GPT: variants seen among roughly 807,000 people sequenced by gnomAD.
GPT encodes the protein alanine aminotransferase 1.
Under a neutral mutation model 51.4 loss-of-function variants are expected in GPT, and 60 were observed. The observed-to-expected ratio is 1.17, with a 90% CI of 0.95 to 1.45. The LOEUF (loss-of-function observed/expected upper bound fraction) is 1.45. GPT is among the 40% of genes most tolerant of loss of function. GPT has a pLI of 0.00. For missense variants in GPT, 853 were observed against 704.0 expected, an observed-to-expected ratio of 1.21 and a Z score of -2.40; for synonymous variants, 397 against 303.1, an observed-to-expected ratio of 1.31 and a Z score of -3.22.
rs376594173 is a variant in GPT, at chr8:144,504,688, C to A, written c.247C>A (p.Arg83Ser). 2 of 1,612,968 alleles carry A rather than the reference C, an allele frequency of 1.2e-6. No individual in the cohort carries two copies. Among genetic ancestry groups the A allele is most frequent in the African/African-American group, 1.3e-5 (1 of 74,926 alleles). ...AMGQRPITFL[R>S]QVLALCVNPD... ...GGGGCAGAGGCCCATCACCTTCCTG[C>A]GCCAGGTGAGGCTCCTGCACTGCCC... Residue 83 changes from arginine (R) to serine (S), a missense_variant, in exon 2 of 11, where the codon CGC (arginine) becomes AGC (serine). Transcript: ENST00000394955.
Position 144,507,116 on chromosome 8 carries a change from G to GGGGGGC in GPT, c.*116_*117insGGGGGC. On this transcript the variant is annotated 3_prime_UTR_variant, in exon 11 of 11. Transcript: ENST00000394955. ...CCTGGCGGGGTGGGGTGGGGGGGGT[G>GGGGGGC]CTGGGCCCCTGCCTCTCTGCAGGTC... The GGGGGGC allele has an allele frequency of 1.5e-6, 1 of 686,638 alleles. No homozygotes were observed. The allele number at this position is 686,638 out of a possible 1,614,324, so 42.5% of individuals were successfully genotyped here. A position where few individuals can be genotyped will look rare whatever the true frequency, so the allele number is the denominator to read the frequency against.
Position 144,505,243 on chromosome 8 carries a change from C to T in GPT, c.496-3C>T. The stretch of plus-strand genomic sequence containing the variant: ...AACCCTGCCTTCCCCTTCCTTTCCG[C>T]AGACGGTGCTGAAGCTGCTGGTGGC... On this transcript the variant is annotated splice_polypyrimidine_tract_variant and splice_region_variant and intron_variant, in intron 4 of 10. Transcript: ENST00000394955. 1 of 1,607,918 alleles carries T rather than the reference C, an allele frequency of 6.2e-7. No homozygotes were observed. The highest frequency in any genetic ancestry group is 8.5e-7 in the Non-Finnish European group (1 of 1,177,802).
Position 144,506,507 on chromosome 8 carries a change from C to G in GPT, c.1138C>G (p.Gln380Glu). ...PSFAQFQAEK[Q>E]AVLAELAAKA... ...CCTCCCTCCGCGGCCACAGGAGAAG[C>G]AGGCAGTGCTGGCAGAGCTGGCGGC... The change falls in exon 9 of 11, where the codon CAG becomes GAG. Residue 380 changes from glutamine to glutamate, a missense_variant. Gln to Glu is a conservative substitution (Grantham distance 29). Transcript: ENST00000394955. This position sits in a 1 kb window ranked among gnomAD's most constrained non-coding sequence, Gnocchi z 7.0. 6.3e-7 allele frequency: 1 copy of G among 1,597,494 alleles called. No homozygotes were observed. Among genetic ancestry groups the G allele is most frequent in the East Asian group, 2.3e-5 (1 of 44,244 alleles).
rs775127714 is a variant in GPT at position 144,504,432 on chromosome 8, A to G, written c.128A>G (p.Gln43Arg). ...TACGCAGTGCGTGGCCCCATAGTGC[A>G]GCGAGCCTTGGAGCTGGAGCAGGAG... ...VEYAVRGPIV[Q>R]RALELEQELR... The change falls in exon 1 of 11, where the codon CAG becomes CGG. Residue 43 changes from glutamine (Q) to arginine (R), a missense_variant. Physicochemically the swap from Gln to Arg is conservative, Grantham distance 43. Transcript: ENST00000394955. 2.9e-5 allele frequency: 47 copies of G among 1,610,836 alleles called. No homozygotes were observed. Among genetic ancestry groups the G allele is most frequent in the Non-Finnish European group, 3.6e-5 (42 of 1,179,914 alleles).
In GPT at chr8:144,506,750, A is replaced by G. The variant is rs769804699; in HGVS notation, c.1307A>G (p.Asp436Gly). 1.9e-6 allele frequency: 3 copies of G among 1,611,742 alleles called. No homozygotes were observed. The South Asian group carries it at 3.3e-5, about 18-fold the overall frequency. ...CCACAGGAGCTGGGCCTGGCCCCCGATATGTTCTTCTGCCTGCGCCTCCTG... is the reference window on the plus strand; with the variant it reads ...CCACAGGAGCTGGGCCTGGCCCCCGGTATGTTCTTCTGCCTGCGCCTCCTG... Reference protein sequence around the residue: ...ERAQELGLAPDMFFCLRLLEE... With the variant: ...ERAQELGLAPGMFFCLRLLEE... The change falls in exon 10 of 11, where the codon GAT becomes GGT. Residue 436 changes from aspartate (D) to glycine (G), a missense_variant. Coordinates refer to ENST00000394955, the MANE Select transcript of GPT (RefSeq NM_005309.3). The surrounding 1 kb of genome is among the most constrained non-coding windows in gnomAD (Gnocchi z 7.0).
chr8:144,505,167 C>T, intron 4 of GPT, 36 bp downstream of exon 4: 2 of 1,612,836 alleles, frequency 1.2e-6, no homozygotes, highest in Non-Finnish European at 1.7e-6. Context: ...ATTCCTGACA[C>T]TGCAGAGGGG....
Position 144,506,934 on chromosome 8 carries a change from G to C in GPT, c.1425G>C (p.Glu475Asp). 1 of 1,612,966 alleles carries C rather than the reference G, an allele frequency of 6.2e-7. No homozygotes were observed. The highest frequency in any genetic ancestry group is 1.1e-5 in the South Asian group (1 of 91,084). ...HFRMTILPPL[E>D]KLRLLLEKLS... Reference sequence around the variant, plus strand: ...GGATGACCATTCTGCCCCCCTTGGAGAAACTGCGGCTGCTGCTGGAGAAGC... The same window carrying C: ...GGATGACCATTCTGCCCCCCTTGGACAAACTGCGGCTGCTGCTGGAGAAGC... The change falls in exon 11 of 11, where the codon GAG becomes GAC. Residue 475 changes from glutamate to aspartate, a missense_variant. Glu to Asp is a conservative substitution (Grantham distance 45). Coordinates refer to ENST00000394955, the MANE Select transcript of GPT (RefSeq NM_005309.3). The surrounding 1 kb of genome is among the most constrained non-coding windows in gnomAD (Gnocchi z 7.0).
intron 5 of GPT, 48 bp from the exon 6 acceptor site, chr8:144,505,800 G>A: frequency 2.0e-6 from 3 of 1,510,090 alleles, no homozygotes; most frequent in Non-Finnish European, 2.7e-6. Context: ...GCGGAGGGCA[G>A]TGCGCCCCCT....
At chr8:144,504,063 C>G (rs1826663649), upstream of GPT, 2 of 577,758 alleles carry the variant, frequency 3.5e-6, no homozygotes, top group Admixed American at 5.7e-5. Context: ...CTCTGCCTCC[C>G]TGGGGCAGAG....
chr8:144,506,620 C>G lies in GPT; in HGVS notation c.1251C>G (p.Arg417=), dbSNP rs1402857334. 3 of 1,472,448 alleles carry G rather than the reference C, an allele frequency of 2.0e-6. No individual in the cohort carries two copies. The highest frequency in any genetic ancestry group is 4.1e-5 in the Admixed American group (2 of 48,504). The allele number at this position is 1,472,448 out of a possible 1,614,324, so 91.2% of individuals were successfully genotyped here. ...AGGGCGCCATGTACTCCTTCCCGCGCGTGCAGCTGCCCCCGCGGGCGGTGG... is the reference window on the plus strand; with the variant it reads ...AGGGCGCCATGTACTCCTTCCCGCGGGTGCAGCTGCCCCCGCGGGCGGTGG... ...PVQGAMYSFP[R]VQLPPRAVER... The change falls in exon 9 of 11, where the codon CGC becomes CGG. Residue 417 remains arginine, a synonymous_variant. Coordinates refer to ENST00000394955, the MANE Select transcript of GPT (RefSeq NM_005309.3). The surrounding 1 kb of genome is among the most constrained non-coding windows in gnomAD (Gnocchi z 7.0).
rs1398122247 is a variant in GPT, at chr8:144,506,041, TC to T, written c.867del (p.Phe289LeufsTer42). ...GCCGCGGGTTCGCAGTTCCACTCATTCAAGAAGGTGCTCATGGAGATGGGGC... is the reference window on the plus strand; with the variant it reads ...GCCGCGGGTTCGCAGTTCCACTCATTAAGAAGGTGCTCATGGAGATGGGGC... The part of the protein sequence containing the change: ...VYAAGSQFHS[F>X]KKVLMEMGPP... On this transcript the variant is annotated frameshift_variant, in exon 7 of 11. Coordinates refer to ENST00000394955, the MANE Select transcript of GPT (RefSeq NM_005309.3). LOFTEE classifies it high-confidence loss of function. This position sits in a 1 kb window ranked among gnomAD's most constrained non-coding sequence, Gnocchi z 7.0. The T allele has an allele frequency of 1.2e-6, 2 of 1,612,204 alleles. No homozygotes were observed. Among genetic ancestry groups the T allele is most frequent in the Admixed American group, 1.7e-5 (1 of 59,984 alleles).
rs1297003595 is a variant in GPT, at chr8:144,507,004, C to A, written c.*4C>A. ...GTTCACCCTCGAGTACTCCTGAGCACCCCAGCTGGGGCCAGGCTGGGTCGC... is the reference window on the plus strand; with the variant it reads ...GTTCACCCTCGAGTACTCCTGAGCAACCCAGCTGGGGCCAGGCTGGGTCGC... On this transcript the variant is annotated 3_prime_UTR_variant, in exon 11 of 11. Transcript: ENST00000394955. 6.2e-7 allele frequency: 1 copy of A among 1,608,630 alleles called. No homozygotes were observed.
In GPT at chr8:144,506,373, G is replaced by A. The variant is rs371048594; in HGVS notation, c.1098G>A (p.Ala366=). 40 of 1,560,848 alleles carry A rather than the reference G, an allele frequency of 2.6e-5. No homozygotes were observed. The African/African-American group carries it at 4.9e-4, about 19-fold the overall frequency. The change falls in exon 8 of 11, where the codon GCG becomes GCA. Residue 366 remains alanine, a synonymous_variant. Coordinates refer to ENST00000394955, the MANE Select transcript of GPT (RefSeq NM_005309.3). This position sits in a 1 kb window ranked among gnomAD's most constrained non-coding sequence, Gnocchi z 7.0. The part of the protein sequence containing the change: ...ALLDLVVSPP[A]PTDPSFAQFQ... ...TGGACCTGGTGGTCAGCCCGCCCGC[G>A]CCCACCGACCCCTCCTTTGCGCAGT...
In GPT at chr8:144,506,444, CA is replaced by C. The variant is rs1461129160; in HGVS notation, c.1131+39del. On this transcript the variant is annotated intron_variant, in intron 8 of 10. Transcript: ENST00000394955. The surrounding 1 kb of genome is among the most constrained non-coding windows in gnomAD (Gnocchi z 7.0). ...CAGGAGGGGGTCCAGGTGACCTAAT[CA>C]GGGGTGGGGGATGCCGAGTGCCGTG... The C allele has an allele frequency of 5.7e-6, 9 of 1,568,628 alleles. No individual in the cohort carries two copies. The East Asian group carries it at 9.3e-5, about 16-fold the overall frequency.
At position 144,506,184 on chromosome 8, in the gene GPT, CG is replaced by C. The variant is rs1564778442; in HGVS notation, c.957-47del. ...TCGCGGGCCATGGCCAGGCCCTCCT[CG>C]CCCGATGGGCCACCCCCTCCTCCGC... On this transcript the variant is annotated intron_variant, in intron 7 of 10. Coordinates refer to ENST00000394955, the MANE Select transcript of GPT (RefSeq NM_005309.3). The surrounding 1 kb of genome is among the most constrained non-coding windows in gnomAD (Gnocchi z 7.0). 1 of 1,601,662 alleles carries C rather than the reference CG, an allele frequency of 6.2e-7. No homozygotes were observed. Among genetic ancestry groups the C allele is most frequent in the Admixed American group, 1.7e-5 (1 of 58,694 alleles).
rs528675744 is a variant in GPT at position 144,506,683 on chromosome 8, TGGGCAGGGG to T, written c.1287+32_1288-35del. The T allele has an allele frequency of 4.8e-5, 32 of 665,538 alleles. No individual in the cohort carries two copies. Among genetic ancestry groups the T allele is most frequent in the Non-Finnish European group, 7.0e-5 (29 of 415,754 alleles). The allele number at this position is 665,538 out of a possible 1,614,324, so 41.2% of individuals were successfully genotyped here. On this transcript the variant is annotated intron_variant, in intron 9 of 10. Transcript: ENST00000394955. This position sits in a 1 kb window ranked among gnomAD's most constrained non-coding sequence, Gnocchi z 7.0. The stretch of plus-strand genomic sequence containing the variant: ...TCAGGCGGGGGCGGGGCCTGCGGGG[TGGGCAGGGG>T]GGGCCGGGCATCCCTCTCTGACGGC...
chr8:144,506,315 G>C lies in GPT; in HGVS notation c.1040G>C (p.Arg347Pro). ...QQQMLKLMSV[R>P]LCPPVPGQAL... ...CAGATGCTGAAGCTGATGAGTGTGC[G>C]GCTGTGCCCGCCGGTGCCAGGACAG... is the stretch of plus-strand genomic sequence containing the variant. The change falls in exon 8 of 11, where the codon CGG (arginine) becomes CCG (proline). Residue 347 changes from arginine to proline, a missense_variant. Physicochemically the swap from Arg to Pro is moderately radical, Grantham distance 103. Coordinates refer to ENST00000394955, the MANE Select transcript of GPT (RefSeq NM_005309.3). The surrounding 1 kb of genome is among the most constrained non-coding windows in gnomAD (Gnocchi z 7.0). The C allele has an allele frequency of 1.9e-6, 3 of 1,565,702 alleles. No individual in the cohort carries two copies. The highest frequency in any genetic ancestry group is 2.6e-6 in the Non-Finnish European group (3 of 1,158,362).
Position 144,505,383 on chromosome 8 carries a change from GC to G in GPT, c.634del (p.Arg212ValfsTer47). Reference sequence around the variant, plus strand: ...AGGTGGATTACTACCTGGACGAGGAGCGTGCCTGGGCGCTGGACGTGGCCGA... The same window carrying G: ...AGGTGGATTACTACCTGGACGAGGAGGTGCCTGGGCGCTGGACGTGGCCGA... ...VQVDYYLDEE[R>X]AWALDVAELH... On this transcript the variant is annotated frameshift_variant, in exon 5 of 11. Transcript: ENST00000394955. LOFTEE classifies it high-confidence loss of function. 5 of 1,592,590 alleles carry G rather than the reference GC, an allele frequency of 3.1e-6. No homozygotes were observed. Among genetic ancestry groups the G allele is most frequent in the Non-Finnish European group, 4.3e-6 (5 of 1,170,902 alleles).
chr8:144,507,092 C>CCG lies in GPT; in HGVS notation c.*92_*93insCG. ...AGCCCACTGTACTTGCTCTTGATGC[C>CCG]TGGCGGGGTGGGGTGGGGGGGGTGC... On this transcript the variant is annotated 3_prime_UTR_variant, in exon 11 of 11. Coordinates refer to ENST00000394955, the MANE Select transcript of GPT (RefSeq NM_005309.3). 3.1e-6 allele frequency: 1 copy of CCG among 324,952 alleles called. No homozygotes were observed. The highest frequency in any genetic ancestry group is 6.1e-6 in the Non-Finnish European group (1 of 162,878). The allele number at this position is 324,952 out of a possible 1,614,324, so 20.1% of individuals were successfully genotyped here.
Sources: allele counts gnomAD v4.1 joint callset, GRCh38; gene constraint gnomAD v4.1.1; non-coding constraint Gnocchi (gnomAD v3.1); transcripts MANE v1.5; gene names NCBI Gene and HGNC (gene_info 2026-07-23, HGNC 2026-07-21).